The following C4orf50 variants were observed in gnomAD, a reference collection of about 807,000 sequenced individuals.
C4orf50 encodes the protein uncharacterized protein C4orf50.
A neutral mutation model predicts 77.2 loss-of-function variants in C4orf50; 80 were observed. The ratio of observed to expected loss-of-function variants is 1.04; its 90% CI spans 0.87 to 1.25. C4orf50 has a LOEUF of 1.25. Among genes scored for constraint, C4orf50 ranks in the 50% most tolerant of loss-of-function variants. The pLI is 0.00. For synonymous variants in C4orf50, 532 were observed against 465.3 expected, an observed-to-expected ratio of 1.14 and a Z score of -1.84; for missense variants, 1,257 against 1,152.9, an observed-to-expected ratio of 1.09 and a Z score of -1.31.
chr4:5,910,503 G>A (rs1276826510), intron 7 of C4orf50, among the ~76,000 whole-genome samples: 1 of 152,170 alleles, frequency 6.6e-6, no homozygotes, highest in South Asian at 2.1e-4. Context: ...GAATTGTGGT[G>A]TTTTTAATTA....
Position 6,008,285 on chromosome 4 carries a change from G to A in C4orf50, c.674C>T (p.Thr225Ile). Residue 225 changes from threonine to isoleucine, a missense_variant, in exon 25 of 34, where the codon ACC becomes ATC. By Grantham distance (89) the Thr-to-Ile change is moderately conservative. Coordinates refer to ENST00000531445, the Ensembl canonical transcript of C4orf50. This position sits in a 1 kb window ranked among gnomAD's most constrained non-coding sequence, Gnocchi z 6.0. ...GGCGCCCTGGGAGCCTGGGGCCGCG[G>A]TGTCCCACTGGGCCAGCAGGAGGCC... The A allele has an allele frequency of 2.6e-6, 1 of 391,196 alleles. No individual in the cohort carries two copies. 24.2% of individuals were successfully genotyped at this position (391,196 alleles called of 1,614,324 possible). A position where few individuals can be genotyped will look rare whatever the true frequency, so the allele number is the denominator to read the frequency against.
chr4:5,955,286 A>G (rs987787950), downstream of C4orf50, among the ~76,000 whole-genome samples: 5 of 151,948 alleles, frequency 3.3e-5, no homozygotes, highest in Non-Finnish European at 7.4e-5. The surrounding 1 kb of genome is among the most constrained non-coding windows in gnomAD (Gnocchi z 5.1). Flanking sequence ...CATTTTACAG[A>G]TGAAATCACC....
At chr4:5,975,783 C>A in intron 30 of C4orf50, 116 bp downstream of exon 8, 1 of 808,146 alleles carries the variant, frequency 1.2e-6, no homozygotes, top group Admixed American at 2.0e-5. Context: ...GCCACCGTGC[C>A]TGGCCCTACC....
At chr4:5,951,256 C>T (rs1272424118) in intron 7 of C4orf50, among the ~76,000 whole-genome samples, 1 of 152,214 alleles carries the variant, frequency 6.6e-6, no homozygotes, top group African/African-American at 2.4e-5. Context: ...GACTATCAAT[C>T]ATTCACAACT....
chr4:5,910,828 T>C (rs1419135900), intron 7 of C4orf50, among the ~76,000 whole-genome samples: 1 of 152,184 alleles, frequency 6.6e-6, no homozygotes, highest in African/African-American at 2.4e-5. Context: ...TACCTCTCTA[T>C]TGAATTTGAA....
At position 6,011,408 on chromosome 4, in the gene C4orf50, T is replaced by C. The variant is rs1192680800; in HGVS notation, c.426+422A>G. 6.6e-6 allele frequency among the ~76,000 whole-genome samples: 1 copy of C among 152,074 alleles called. No homozygotes were observed. The highest frequency in any genetic ancestry group is 2.4e-5 in the African/African-American group (1 of 41,408). ...CCCAGCTCACATGGCCTCAGCTCTC[T>C]GTAGCTCTCCTCAACTCCCCTAGCC... On this transcript the variant is annotated intron_variant, in intron 24 of 33. Coordinates refer to ENST00000531445, the Ensembl canonical transcript of C4orf50. The surrounding 1 kb of genome is among the most constrained non-coding windows in gnomAD (Gnocchi z 4.2).
chr4:5,959,176 C>G, exon 34 of C4orf50: 2 of 613,908 alleles, frequency 3.3e-6, no homozygotes, highest in Non-Finnish European at 5.6e-6. Context: ...CAAAGCCAAA[C>G]TCCTCAGAAT....
chr4:5,975,784 T>C (rs1720242529), intron 30 of C4orf50, 115 bp downstream of exon 8: 1 of 811,760 alleles, frequency 1.2e-6, no homozygotes, highest in South Asian at 1.5e-5. Flanking sequence ...CCACCGTGCC[T>C]GGCCCTACCC....
chr4:5,963,213 G>C (rs549211124), intron 33 of C4orf50, among the ~76,000 whole-genome samples: 13 of 152,096 alleles, frequency 8.5e-5, no homozygotes, highest in African/African-American at 2.9e-4. Context: ...TGGCCAGCTA[G>C]TCTCAAACTC....
In C4orf50 at chr4:5,968,056, G is replaced by T. The variant is rs528019371; in HGVS notation, c.4105-594C>A. Among the ~76,000 whole-genome samples, 17 of 152,302 alleles carry T rather than the reference G, an allele frequency of 1.1e-4. No homozygotes were observed. In the South Asian group the frequency reaches 3.3e-3, roughly 30 times the overall value. On this transcript the variant is annotated intron_variant, in intron 31 of 33. Coordinates refer to ENST00000531445, the Ensembl canonical transcript of C4orf50. ...GCAGCCTGGATCTCACTTCCTCTTG[G>T]GTGTTTCTGATGGGGCAGGGTCCTG...
intron 26 of C4orf50, among the ~76,000 whole-genome samples, chr4:5,993,945 G>A (rs893174809): frequency 2.0e-5 from 3 of 152,172 alleles, no homozygotes; most frequent in Non-Finnish European, 2.9e-5. Flanking sequence ...TGCCAAGTGC[G>A]ATTTTCACTG....
At chr4:5,912,893 G>T (rs2108731490) in intron 7 of C4orf50, among the ~76,000 whole-genome samples, 1 of 152,330 alleles carries the variant, frequency 6.6e-6, no homozygotes, top group South Asian at 2.1e-4. Context: ...ACATGTGGCA[G>T]GGGAAATGTT....
In C4orf50 at chr4:5,992,419, C is replaced by T. The variant is rs987167824; in HGVS notation, c.1221+384G>A. On this transcript the variant is annotated intron_variant, in intron 27 of 33. Transcript: ENST00000531445. The surrounding 1 kb of genome is among the most constrained non-coding windows in gnomAD (Gnocchi z 5.0). ...AGGGCCAGCATGGGGCAGTGTGGGC[C>T]GTCGAGCCTGGATCTCGGGGTCCAC... 1.3e-5 allele frequency among the ~76,000 whole-genome samples: 2 copies of T among 151,972 alleles called. No homozygotes were observed. Among genetic ancestry groups the T allele is most frequent in the African/African-American group, 2.4e-5 (1 of 41,378 alleles).
In C4orf50 at chr4:5,908,913, C is replaced by G. The variant is rs1560536155; in HGVS notation, c.*2475-10725G>C. Among the ~76,000 whole-genome samples, 1 of 152,272 alleles carries G rather than the reference C, an allele frequency of 6.6e-6. No individual in the cohort carries two copies. On this transcript the variant is annotated intron_variant, in intron 7 of 7. Transcript: ENST00000324058. The surrounding 1 kb of genome is among the most constrained non-coding windows in gnomAD (Gnocchi z 5.6). ...CTGGAAAGTACAGAATGGGGGTTACCTGCTCTGTCATTCACTCCCCTGAAT... is the reference window on the plus strand; with the variant it reads ...CTGGAAAGTACAGAATGGGGGTTACGTGCTCTGTCATTCACTCCCCTGAAT...
intron 28 of C4orf50, among the ~76,000 whole-genome samples, chr4:5,982,254 C>T (rs1407659121): frequency 1.3e-5 from 2 of 152,132 alleles, no homozygotes; most frequent in Non-Finnish European, 2.9e-5. Context: ...TCTCATGGGT[C>T]CTCAGAGAGC....
downstream of C4orf50, among the ~76,000 whole-genome samples, chr4:5,955,455 G>T (rs567202791): frequency 2.6e-5 from 4 of 152,268 alleles, no homozygotes; most frequent in South Asian, 2.1e-4. The surrounding 1 kb of genome is among the most constrained non-coding windows in gnomAD (Gnocchi z 5.1). Flanking sequence ...CACTGGCCAC[G>T]TGATACCTTT....
chr4:5,921,897 G>A (rs922734440), intron 7 of C4orf50, among the ~76,000 whole-genome samples: 1 of 152,178 alleles, frequency 6.6e-6, no homozygotes, highest in Non-Finnish European at 1.5e-5. Context: ...GGCTGCCTGT[G>A]AAGGCAGAGA....
chr4:6,011,724 C>G lies in C4orf50; in HGVS notation c.426+106G>C. On this transcript the variant is annotated intron_variant, in intron 24 of 33. Transcript: ENST00000531445. This position sits in a 1 kb window ranked among gnomAD's most constrained non-coding sequence, Gnocchi z 4.2. ...TCTCTCTAACCCTCCTGACTGGGCT[C>G]TCCCAGGCCCACCCTGTACTGTCTT... 1 of 398,400 alleles carries G rather than the reference C, an allele frequency of 2.5e-6. No individual in the cohort carries two copies. Among genetic ancestry groups the G allele is most frequent in the East Asian group, 3.6e-5 (1 of 28,066 alleles). The allele number at this position is 398,400 out of a possible 1,614,324, so 24.7% of individuals were successfully genotyped here.
At chr4:5,964,700 A>G (rs1170860652) in intron 33 of C4orf50, among the ~76,000 whole-genome samples, 5 of 144,636 alleles carry the variant, frequency 3.5e-5, no homozygotes, top group Non-Finnish European at 7.5e-5. Context: ...ACCAGGAGGC[A>G]GAGGTTGCAG....
Sources: gnomAD v4.1 joint callset for allele counts (sites outside exome capture counted in the v4.1 genomes callset) on GRCh38, gnomAD v4.1.1 for gene constraint, Gnocchi (gnomAD v3.1) non-coding constraint, MANE v1.5 for transcripts, NCBI Gene and HGNC (gene_info 2026-07-23, HGNC 2026-07-21) for gene names.